The following AGMO variants were observed in gnomAD, a reference collection of about 807,000 sequenced individuals.
AGMO encodes the protein alkylglycerol monooxygenase, also known as glyceryl-ether monooxygenase.
AGMO carries 75 observed loss-of-function variants against 60.2 expected under a neutral mutation model. That is an observed-to-expected ratio of 1.25 (90% CI 1.03 to 1.51). The LOEUF is 1.51. Among genes scored for constraint, AGMO ranks in the 40% most tolerant of loss-of-function variants. AGMO has a pLI of 0.00. For synonymous variants in AGMO, 261 were observed against 177.1 expected (o/e 1.47, Z -3.76); for missense variants, 763 against 525.5 (o/e 1.45, Z -4.42).
At chr7:15,211,401 G>T (rs12699694) in intron 12 of AGMO, among the ~76,000 whole-genome samples, 28,706 of 151,854 alleles carry the variant, frequency 0.19, 2,906 homozygotes, top group Non-Finnish European at 0.23. Flanking sequence ...AAGTTAAAAT[G>T]ATGCCTTTAA....
intron 12 of AGMO, among the ~76,000 whole-genome samples, chr7:15,299,237 T>C (rs1456466581): frequency 1.3e-5 from 2 of 151,930 alleles, no homozygotes; most frequent in Non-Finnish European, 2.9e-5. Flanking sequence ...TATAATAATA[T>C]AATAACAATA....
chr7:15,266,694 T>G (rs1039923848), intron 12 of AGMO, among the ~76,000 whole-genome samples: 10 of 151,844 alleles, frequency 6.6e-5, no homozygotes, highest in African/African-American at 2.4e-4. Flanking sequence ...GAGTTTTCAT[T>G]AAATTATTCT....
At chr7:15,191,722 T>G in the AGMO span, among the ~76,000 whole-genome samples, 1 of 152,194 alleles carries the variant, frequency 6.6e-6, no homozygotes, top group South Asian at 2.1e-4. Context: ...ATTAAAAGTT[T>G]TTTTAAGGCA....
intron 3 of AGMO, among the ~76,000 whole-genome samples, chr7:15,448,410 A>G (rs190438869): frequency 6.6e-6 from 1 of 152,296 alleles, no homozygotes; most frequent in East Asian, 1.9e-4. Flanking sequence ...TAATCTGCTG[A>G]CTTCTTTATC....
chr7:15,528,586 A>G (rs1784187189), intron 3 of AGMO, among the ~76,000 whole-genome samples: 1 of 152,158 alleles, frequency 6.6e-6, no homozygotes, highest in African/African-American at 2.4e-5. Context: ...TTCAGAAGAC[A>G]GAGGGAAACA....
At chr7:15,499,465 G>C (rs1443986914) in intron 3 of AGMO, among the ~76,000 whole-genome samples, 1 of 151,724 alleles carries the variant, frequency 6.6e-6, no homozygotes, top group Admixed American at 6.6e-5. Flanking sequence ...TACCTATCAG[G>C]CTGGCAAATA....
intron 4 of AGMO, among the ~76,000 whole-genome samples, chr7:15,430,622 GTT>G (rs747900856): frequency 9.3e-6 from 1 of 107,292 alleles, no homozygotes; most frequent in Non-Finnish European, 1.9e-5. Context: ...AAAACAACTG[GTT>G]TTTTTTAAAA....
chr7:15,257,676 C>T (rs1783137052), intron 12 of AGMO, among the ~76,000 whole-genome samples: 1 of 152,162 alleles, frequency 6.6e-6, no homozygotes, highest in African/African-American at 2.4e-5. Flanking sequence ...TACTTATCAA[C>T]ATAATTCAGC....
At chr7:15,473,978 G>A (rs1407660384) in intron 3 of AGMO, among the ~76,000 whole-genome samples, 1 of 151,984 alleles carries the variant, frequency 6.6e-6, no homozygotes, top group Non-Finnish European at 1.5e-5. Flanking sequence ...AAAATACCTA[G>A]GAATACAATC....
chr7:15,269,024 T>C (rs545922729), intron 12 of AGMO, among the ~76,000 whole-genome samples: 1 of 152,208 alleles, frequency 6.6e-6, no homozygotes, highest in African/African-American at 2.4e-5. Flanking sequence ...TGAGCAAATT[T>C]CTTCTATAAA....
the AGMO span, among the ~76,000 whole-genome samples, chr7:15,126,427 A>T: frequency 6.6e-6 from 1 of 152,112 alleles, no homozygotes; most frequent in Non-Finnish European, 1.5e-5. Context: ...ACTGTGCTCT[A>T]TTACTGCCTG....
intron 3 of AGMO, among the ~76,000 whole-genome samples, chr7:15,492,369 A>C (rs1330009676): frequency 1.3e-5 from 2 of 151,746 alleles, no homozygotes; most frequent in Non-Finnish European, 2.9e-5. Flanking sequence ...AAAAAAAAAA[A>C]AAAAAAACAT....
chr7:15,377,212 T>A (rs1783490283), intron 10 of AGMO, among the ~76,000 whole-genome samples: 1 of 152,050 alleles, frequency 6.6e-6, no homozygotes, highest in Admixed American at 6.6e-5. Flanking sequence ...TTCTTCCTAG[T>A]CACACAGCAT....
At chr7:15,449,456 A>G (rs575762714) in intron 3 of AGMO, among the ~76,000 whole-genome samples, 1 of 152,220 alleles carries the variant, frequency 6.6e-6, no homozygotes, top group Non-Finnish European at 1.5e-5. Context: ...AGATTATAAC[A>G]CCACATTTTG....
intron 3 of AGMO, among the ~76,000 whole-genome samples, chr7:15,455,848 C>G (rs914060145): frequency 1.3e-5 from 2 of 151,998 alleles, no homozygotes; most frequent in Admixed American, 6.6e-5. Context: ...CGTTTCTATT[C>G]CCAATATTCT....
chr7:15,304,786 A>C (rs1045067472), intron 12 of AGMO, among the ~76,000 whole-genome samples: 1 of 152,102 alleles, frequency 6.6e-6, no homozygotes, highest in Non-Finnish European at 1.5e-5. Flanking sequence ...ACAGAACTGG[A>C]AAATGATAAG....
At chr7:15,469,359 T>C (rs1045510495) in intron 3 of AGMO, among the ~76,000 whole-genome samples, 3 of 152,128 alleles carry the variant, frequency 2.0e-5, no homozygotes, top group Non-Finnish European at 2.9e-5. Flanking sequence ...ATCTAAGACA[T>C]GTTTATATAA....
At chr7:15,470,458 G>C (rs1015276448) in intron 3 of AGMO, among the ~76,000 whole-genome samples, 3 of 151,648 alleles carry the variant, frequency 2.0e-5, no homozygotes, top group Non-Finnish European at 4.4e-5. Flanking sequence ...CAATAATAAA[G>C]TCAAATTGTT....
chr7:15,392,131 G>A (rs907585587), intron 6 of AGMO, among the ~76,000 whole-genome samples: 4 of 151,442 alleles, frequency 2.6e-5, no homozygotes, highest in Admixed American at 1.3e-4. Flanking sequence ...GTGCAGTGGC[G>A]CCATCTCGGC....
Sources: gnomAD v4.1 joint callset for allele counts (sites outside exome capture counted in the v4.1 genomes callset) on GRCh38, gnomAD v4.1.1 for gene constraint, MANE v1.5 for transcripts, NCBI Gene and HGNC (gene_info 2026-07-23, HGNC 2026-07-21) for gene names.